The following ERAP1 variants were observed in gnomAD, a reference collection of about 807,000 sequenced individuals.
ERAP1 encodes the protein adipocyte-derived leucine aminopeptidase.
Under a neutral mutation model 103.7 loss-of-function variants are expected in ERAP1, and 86 were observed. The observed-to-expected ratio is 0.83, with a 90% CI of 0.70 to 0.99. The LOEUF (loss-of-function observed/expected upper bound fraction) is 0.99. Among genes scored for constraint, ERAP1 ranks in the 50% least tolerant of loss-of-function variants. The pLI is 0.00. For synonymous variants in ERAP1, 398 were observed against 402.4 expected, an observed-to-expected ratio of 0.99 and a Z score of 0.13; for missense variants, 1,009 against 1,128.4, an observed-to-expected ratio of 0.89 and a Z score of 1.52.
chr5:96,842,567 G>A, the ERAP1 span, among the ~76,000 whole-genome samples: 1 of 152,022 alleles, frequency 6.6e-6, no homozygotes, highest in Non-Finnish European at 1.5e-5. Context: ...TCATATATTT[G>A]TTGGCCATCT....
chr5:96,782,139 T>G (rs1404112687), intron 15 of ERAP1, among the ~76,000 whole-genome samples: 1 of 151,272 alleles, frequency 6.6e-6, no homozygotes, highest in African/African-American at 2.4e-5. Flanking sequence ...GCCTCCCGAG[T>G]AGCTGGGACT....
chr5:96,784,899 C>A (rs2150923949), intron 13 of ERAP1: 1 of 152,216 alleles, frequency 6.6e-6, no homozygotes, highest in Non-Finnish European at 1.5e-5. Context: ...AAGAAGCCCT[C>A]TAAGGCTCAA....
chr5:96,790,724 C>T lies in ERAP1; in HGVS notation c.1321-81G>A. 2.2e-6 allele frequency: 3 copies of T among 1,381,878 alleles called. No homozygotes were observed. The South Asian group carries it at 3.6e-5, about 17-fold the overall frequency. 85.6% of individuals were successfully genotyped at this position (1,381,878 alleles called of 1,614,324 possible). On this transcript the variant is annotated intron_variant, in intron 8 of 18. Transcript: ENST00000443439. ...AATCACATATTCTTTTGCAATAAAA[C>T]ACATTTCTTTGAAAACGCAACTGCA...
At chr5:96,879,930 TC>T in the ERAP1 span, 1 of 1,614,174 alleles carries the variant, frequency 6.2e-7, no homozygotes, top group Admixed American at 1.7e-5. Flanking sequence ...GACCTCTTTG[TC>T]CACCCCAATC....
intron 18 of ERAP1, among the ~76,000 whole-genome samples, chr5:96,777,738 A>G (rs1178984991): frequency 6.6e-6 from 1 of 152,234 alleles, no homozygotes; most frequent in African/African-American, 2.4e-5. Context: ...CAAATCATTA[A>G]TCCTAAAGGA....
chr5:96,882,332 G>C, the ERAP1 span, among the ~76,000 whole-genome samples: 2 of 152,168 alleles, frequency 1.3e-5, no homozygotes, highest in Non-Finnish European at 2.9e-5. Flanking sequence ...GAGATATTTG[G>C]AGTAAAGCTG....
At chr5:96,794,244 A>G (rs148866977) in intron 5 of ERAP1, among the ~76,000 whole-genome samples, 2 of 124,298 alleles carry the variant, frequency 1.6e-5, no homozygotes, top group African/African-American at 3.1e-5. Context: ...GTGCATTTGC[A>G]GTGGTATAAT....
At chr5:96,811,310 G>C (rs1438954904), upstream of ERAP1, among the ~76,000 whole-genome samples, 3 of 152,110 alleles carry the variant, frequency 2.0e-5, no homozygotes, top group African/African-American at 7.2e-5. Context: ...AAATAATAAA[G>C]TCCTCTGAAA....
the ERAP1 span, chr5:96,896,414 A>C: frequency 3.1e-6 from 5 of 1,612,646 alleles, no homozygotes; most frequent in African/African-American, 5.3e-5. Flanking sequence ...TAATTACAAA[A>C]GATTCATTGA....
intron 19 of ERAP1, among the ~76,000 whole-genome samples, chr5:96,763,867 A>G (rs903232826): frequency 9.2e-5 from 14 of 152,158 alleles, no homozygotes; most frequent in South Asian, 2.1e-4. Flanking sequence ...TAAGCATGAC[A>G]GGGAAAAGCT....
chr5:96,900,954 G>T, the ERAP1 span, among the ~76,000 whole-genome samples: 1 of 152,076 alleles, frequency 6.6e-6, no homozygotes, highest in Non-Finnish European at 1.5e-5. Context: ...CATGATCCAC[G>T]GCGCCTGGCC....
the ERAP1 span, among the ~76,000 whole-genome samples, chr5:96,841,332 C>T: frequency 2.0e-5 from 3 of 152,170 alleles, no homozygotes; most frequent in Non-Finnish European, 2.9e-5. Context: ...ATAATTAACA[C>T]AAAAGTGTAC....
rs779893649 is a variant in ERAP1, at chr5:96,797,291, C to A, written c.682G>T (p.Ala228Ser). The A allele has an allele frequency of 6.2e-7, 1 of 1,614,026 alleles. No homozygotes were observed. The highest frequency in any genetic ancestry group is 1.3e-5 in the African/African-American group (1 of 74,920). ...AAATGGTCTTCTATGAGTCCTTCAG[C>A]AACAGTCACAGATTTCACCTAAAAT... ...NMPLVKSVTV[A>S]EGLIEDHFDV... The change falls in exon 4 of 19, where the codon GCT becomes TCT. Residue 228 changes from alanine (A) to serine (S), a missense_variant. Transcript: ENST00000443439.
downstream of ERAP1, chr5:96,769,544 G>A (rs1217047884): frequency 2.0e-5 from 3 of 151,870 alleles, no homozygotes; most frequent in African/African-American, 7.3e-5. Context: ...GGTTACTGTA[G>A]GGAAGCAGAT....
At chr5:96,787,253 G>C (rs1776137789) in intron 11 of ERAP1, among the ~76,000 whole-genome samples, 1 of 151,978 alleles carries the variant, frequency 6.6e-6, no homozygotes, top group Non-Finnish European at 1.5e-5. Flanking sequence ...TTATATAACT[G>C]AATGTTCTTG....
chr5:96,766,108 C>T (rs1769850801), intron 19 of ERAP1: 1 of 1,610,864 alleles, frequency 6.2e-7, no homozygotes, highest in Non-Finnish European at 8.5e-7. Flanking sequence ...GACACTATCC[C>T]ACCTGAATAC....
chr5:96,764,636 A>T (rs947593465), intron 19 of ERAP1, among the ~76,000 whole-genome samples: 2 of 152,162 alleles, frequency 1.3e-5, no homozygotes, highest in African/African-American at 4.8e-5. Context: ...TTAGGATGGC[A>T]GTGCCGAGCT....
intron 17 of ERAP1, 127 bp from the exon 18 acceptor site, chr5:96,780,631 G>A (rs947024434): frequency 1.2e-5 from 9 of 759,306 alleles, no homozygotes; most frequent in Non-Finnish European, 2.1e-5. Context: ...AAAATATGAT[G>A]TCTATCCAAT....
At chr5:96,915,960 C>T in the ERAP1 span, 2 of 437,176 alleles carry the variant, frequency 4.6e-6, no homozygotes, top group Non-Finnish European at 8.0e-6. Context: ...CAGTGGCTCA[C>T]ACCTGTAATC....
Sources: gnomAD v4.1 joint callset for allele counts (sites outside exome capture counted in the v4.1 genomes callset) on GRCh38, gnomAD v4.1.1 for gene constraint, MANE v1.5 for transcripts, NCBI Gene and HGNC (gene_info 2026-07-23, HGNC 2026-07-21) for gene names.